ADAMTS18: variants seen among roughly 807,000 people sequenced by gnomAD.
ADAMTS18 encodes the protein A disintegrin and metalloproteinase with thrombospondin motifs 18.
In ADAMTS18, 157 loss-of-function variants were observed where a neutral mutation model predicts 165.9. The observed-to-expected ratio is 0.95, with a 90% confidence interval of 0.83 to 1.08. The LOEUF (loss-of-function observed/expected upper bound fraction) is 1.08. ADAMTS18 is among the 50% of genes least tolerant of loss of function. The pLI, the probability that ADAMTS18 is intolerant of heterozygous loss-of-function variation, is 0.00. For missense variants in ADAMTS18, 2,040 were observed against 1,534.0 expected (o/e 1.33, Z -5.51); for synonymous variants, 782 against 578.2 (o/e 1.35, Z -5.06).
chr16:77,391,788 G>A (rs948098019), intron 3 of ADAMTS18, among the ~76,000 whole-genome samples: 3 of 152,060 alleles, frequency 2.0e-5, no homozygotes, highest in Admixed American at 6.6e-5. Context: ...TTAATGAAGG[G>A]GTCAGGCAAG....
chr16:77,293,494 G>A (rs559015657), intron 19 of ADAMTS18, among the ~76,000 whole-genome samples: 2 of 151,756 alleles, frequency 1.3e-5, no homozygotes, highest in East Asian at 1.9e-4. Context: ...CAAAGAAAGA[G>A]ACTAGACTCA....
chr16:77,384,768 CT>C (rs1278395261), intron 3 of ADAMTS18, among the ~76,000 whole-genome samples: 5 of 152,198 alleles, frequency 3.3e-5, no homozygotes, highest in African/African-American at 1.2e-4. Flanking sequence ...ATATAGTAAG[CT>C]ACATTATCTA....
In ADAMTS18 at chr16:77,353,837, A is replaced by G; in HGVS notation, c.1510T>C (p.Tyr504His). The G allele has an allele frequency of 4.3e-6, 7 of 1,614,124 alleles. No individual in the cohort carries two copies. The highest frequency in any genetic ancestry group is 4.2e-6 in the Non-Finnish European group (5 of 1,180,024). Reference protein sequence around the residue: ...LVDEPKQAGQYKYPDKLPGQI... With the variant: ...LVDEPKQAGQHKYPDKLPGQI... ...CCTGGTAGTTTGTCCGGATATTTAT[A>G]CTGTCCTGCTTGCTTGGGCTCATCC... The change falls in exon 10 of 23, where the codon TAT becomes CAT. Residue 504 changes from tyrosine to histidine, a missense_variant. Coordinates refer to ENST00000282849, the MANE Select transcript of ADAMTS18 (RefSeq NM_199355.4).
At chr16:77,343,937 C>T (rs2056436599) in intron 10 of ADAMTS18, among the ~76,000 whole-genome samples, 1 of 151,768 alleles carries the variant, frequency 6.6e-6, no homozygotes, top group African/African-American at 2.4e-5. Context: ...TTTGTCATTA[C>T]TTGTTGTAAT....
At chr16:77,400,691 G>A (rs188284312) in intron 3 of ADAMTS18, among the ~76,000 whole-genome samples, 1,540 of 151,044 alleles carry the variant, frequency 0.01, 8 homozygotes, top group Middle Eastern at 0.014. Flanking sequence ...CCGTGGTCTC[G>A]ATCTCCTGAC....
intron 8 of ADAMTS18, among the ~76,000 whole-genome samples, chr16:77,357,900 G>C (rs553383128): frequency 6.6e-6 from 1 of 152,058 alleles, no homozygotes; most frequent in Non-Finnish European, 1.5e-5. Flanking sequence ...AATATGTTCT[G>C]CTTTTCCTTA....
At chr16:77,291,607 C>T (rs2055366365) in intron 20 of ADAMTS18, 129 bp from the exon 21 acceptor site, 2 of 944,584 alleles carry the variant, frequency 2.1e-6, no homozygotes, top group Non-Finnish European at 3.4e-6. Context: ...AGGTCAACCA[C>T]ACTCACTCGA....
At chr16:77,323,785 C>T (rs530579412) in intron 13 of ADAMTS18, among the ~76,000 whole-genome samples, 2 of 152,224 alleles carry the variant, frequency 1.3e-5, no homozygotes, top group South Asian at 4.1e-4. Context: ...GACTAGAAAG[C>T]CTTAACGTTT....
intron 3 of ADAMTS18, among the ~76,000 whole-genome samples, chr16:77,379,376 G>A (rs914532437): frequency 1.3e-5 from 2 of 152,230 alleles, no homozygotes; most frequent in African/African-American, 4.8e-5. Flanking sequence ...AAGAGTAAAT[G>A]AATGGCTATT....
intron 16 of ADAMTS18, among the ~76,000 whole-genome samples, chr16:77,301,976 T>A (rs370918240): frequency 6.6e-6 from 1 of 151,220 alleles, no homozygotes; most frequent in Non-Finnish European, 1.5e-5. Context: ...TTAGGAGTCT[T>A]TTATTTTGAA....
At chr16:77,302,174 A>G (rs924357460) in intron 16 of ADAMTS18, among the ~76,000 whole-genome samples, 2 of 152,082 alleles carry the variant, frequency 1.3e-5, no homozygotes, top group Non-Finnish European at 2.9e-5. Context: ...GTTTCTGTTA[A>G]TGTTTTCATC....
intron 3 of ADAMTS18, among the ~76,000 whole-genome samples, chr16:77,407,476 G>T (rs939275862): frequency 2.0e-5 from 3 of 152,006 alleles, no homozygotes; most frequent in Non-Finnish European, 4.4e-5. Context: ...AAAATGCAAA[G>T]AACACAATAT....
chr16:77,431,304 A>G lies in ADAMTS18; in HGVS notation c.486T>C (p.Cys162=). 1 of 1,614,182 alleles carries G rather than the reference A, an allele frequency of 6.2e-7. No individual in the cohort carries two copies. The highest frequency in any genetic ancestry group is 8.5e-7 in the Non-Finnish European group (1 of 1,180,040). ...ACTGGGGTGTACTTACCAAGCCAGC[A>G]CACGTAGACACAGCGACAGAGGAGG... The part of the protein sequence containing the change: ...DSSSSVAVST[C]AGLSGLIRTR... Residue 162 remains cysteine, a synonymous_variant, in exon 3 of 23, where the codon TGT becomes TGC. Coordinates refer to ENST00000282849, the MANE Select transcript of ADAMTS18 (RefSeq NM_199355.4).
At chr16:77,337,768 T>C (rs2056332345) in intron 11 of ADAMTS18, among the ~76,000 whole-genome samples, 2 of 152,348 alleles carry the variant, frequency 1.3e-5, no homozygotes, top group Non-Finnish European at 2.9e-5. Context: ...TTTGGCCTTT[T>C]AATCAGTGTA....
intron 3 of ADAMTS18, among the ~76,000 whole-genome samples, chr16:77,402,810 A>T (rs1834454580): frequency 6.6e-6 from 1 of 152,166 alleles, no homozygotes; most frequent in South Asian, 2.1e-4. Context: ...TGCCTTTTTA[A>T]AAGGTACCTG....
intron 3 of ADAMTS18, among the ~76,000 whole-genome samples, chr16:77,394,542 A>C (rs546262493): frequency 6.6e-5 from 10 of 152,192 alleles, no homozygotes; most frequent in Non-Finnish European, 1.3e-4. Flanking sequence ...TTGTGTGAAA[A>C]GGAAGTGATC....
rs560105978 is a variant in ADAMTS18 at position 77,329,389 on chromosome 16, C to A, written c.1860-3351G>T. 1.3e-4 allele frequency among the ~76,000 whole-genome samples: 20 copies of A among 152,254 alleles called. No individual in the cohort carries two copies. The South Asian group carries it at 3.5e-3, about 27-fold the overall frequency. On this transcript the variant is annotated intron_variant, in intron 12 of 22. Transcript: ENST00000282849. ...AAGTGCTGGAATTACAAGCATGATCCATCAAACATGGCCAGACCCTGATTT... is the reference window on the plus strand; with the variant it reads ...AAGTGCTGGAATTACAAGCATGATCAATCAAACATGGCCAGACCCTGATTT...
intron 16 of ADAMTS18, 116 bp from the exon 17 acceptor site, chr16:77,300,520 A>T: frequency 8.5e-7 from 1 of 1,170,388 alleles, no homozygotes; most frequent in Non-Finnish European, 1.3e-6. Context: ...TAACATTGGT[A>T]TACTTCATTG....
At chr16:77,321,223 G>T (rs373104067) in intron 14 of ADAMTS18, 21 bp from the exon 15 acceptor site, 37 of 1,613,800 alleles carry the variant, frequency 2.3e-5, no homozygotes, top group Non-Finnish European at 3.0e-5. Context: ...AACAAAAAAC[G>T]TGAGAAAATA....
Sources: gnomAD v4.1 joint callset for allele counts (sites outside exome capture counted in the v4.1 genomes callset) on GRCh38, gnomAD v4.1.1 for gene constraint, MANE v1.5 for transcripts, NCBI Gene and HGNC (gene_info 2026-07-23, HGNC 2026-07-21) for gene names.